The following C1orf159 variants were observed in gnomAD, a reference collection of about 807,000 sequenced individuals.
C1orf159 encodes uncharacterized protein C1orf159.
Under a neutral mutation model 25.6 loss-of-function variants are expected in C1orf159, and 19 were observed. The ratio of observed to expected loss-of-function variants is 0.74; its 90% CI spans 0.52 to 1.09. C1orf159 has a LOEUF of 1.09. Ranked by LOEUF, C1orf159 falls within the 50% of genes least tolerant of loss-of-function variation. The pLI is 0.00. For missense variants in C1orf159, 274 were observed against 290.6 expected (o/e 0.94, Z 0.42); for synonymous variants, 139 against 124.7 (o/e 1.12, Z -0.77).
At chr1:1,088,754 T>G (rs1471257115) in intron 4 of C1orf159, among the ~76,000 whole-genome samples, 2 of 152,106 alleles carry the variant, frequency 1.3e-5, no homozygotes, top group Admixed American at 6.5e-5. Flanking sequence ...CGACCCTTCC[T>G]CACAGACTGA....
At chr1:1,088,479 A>T (rs917719569) in intron 4 of C1orf159, among the ~76,000 whole-genome samples, 4 of 148,480 alleles carry the variant, frequency 2.7e-5, no homozygotes, top group Non-Finnish European at 6.0e-5. Flanking sequence ...CCCTTGGTCC[A>T]TCTGTCACCT....
rs1645762649 is a variant in C1orf159 at position 1,082,709 on chromosome 1, G to A, written c.*184C>T. The A allele has an allele frequency of 1.7e-6, 1 of 604,696 alleles. No individual in the cohort carries two copies. The highest frequency in any genetic ancestry group is 3.0e-6 in the Non-Finnish European group (1 of 336,456). 37.5% of individuals were successfully genotyped at this position (604,696 alleles called of 1,614,324 possible). A position where few individuals can be genotyped will look rare whatever the true frequency, so the allele number is the denominator to read the frequency against. On this transcript the variant is annotated 3_prime_UTR_variant, in exon 10 of 10. Transcript: ENST00000421241. ...ATAAACGAGATGGCTGTGGTGGGGA[G>A]GAGCCTCAGGCGGCCCGGGACCCTT...
At chr1:1,111,119 C>T (rs1646251511) in intron 1 of C1orf159, among the ~76,000 whole-genome samples, 1 of 152,174 alleles carries the variant, frequency 6.6e-6, no homozygotes, top group Admixed American at 6.5e-5. Flanking sequence ...TTGAAAATCT[C>T]ATTGGAGCCA....
chr1:1,083,370 G>A (rs1237906652), intron 9 of C1orf159: 2 of 223,572 alleles, frequency 8.9e-6, no homozygotes, highest in Non-Finnish European at 1.8e-5. Flanking sequence ...TTTGCAGGGG[G>A]TTACGTCAGG....
rs1332555590 is a variant in C1orf159, at chr1:1,082,210, GC to G, written c.*682del. 1.3e-5 allele frequency: 2 copies of G among 153,198 alleles called. No homozygotes were observed. Among genetic ancestry groups the G allele is most frequent in the African/African-American group, 4.8e-5 (2 of 41,480 alleles). The allele number at this position is 153,198 out of a possible 1,614,324, so 9.5% of individuals were successfully genotyped here. On this transcript the variant is annotated 3_prime_UTR_variant, in exon 10 of 10. Transcript: ENST00000421241. ...AGGCATGGGGGTCCAGCGGATCCGA[GC>G]GGGGCCACAGAGCTCTGGAGGACTT...
chr1:1,111,749 C>G lies in C1orf159; in HGVS notation c.-136+4311G>C, dbSNP rs183484241. ...GTCCACTGGCGGGTTTCTCACGCTG[C>G]TGAACCTCGGTAAACACAGCCCCGA... On this transcript the variant is annotated intron_variant, in intron 1 of 9. Coordinates refer to ENST00000421241, the MANE Select transcript of C1orf159 (RefSeq NM_017891.5). Among the ~76,000 whole-genome samples the G allele has an allele frequency of 7.2e-3, 1,103 of 152,286 alleles. 32 individuals carry two copies. The highest frequency in any genetic ancestry group is 0.061 in the Admixed American group (926 of 15,288).
intron 1 of C1orf159, among the ~76,000 whole-genome samples, chr1:1,112,345 C>T (rs1044480339): frequency 1.3e-5 from 2 of 152,208 alleles, no homozygotes. Context: ...AACGGAAGAA[C>T]GCCTCAGGTG....
chr1:1,112,765 C>G (rs1270107536), intron 1 of C1orf159, among the ~76,000 whole-genome samples: 1 of 152,268 alleles, frequency 6.6e-6, no homozygotes, highest in Non-Finnish European at 1.5e-5. Flanking sequence ...AGAAGCCTGC[C>G]AGGCTATAAA....
intron 3 of C1orf159, chr1:1,091,094 C>T (rs1645924046): frequency 2.3e-5 from 21 of 896,696 alleles, no homozygotes; most frequent in Non-Finnish European, 3.6e-5. Flanking sequence ...CCAGCCAGGA[C>T]AGTGAGGGGT....
chr1:1,096,803 C>T (rs985993029), intron 1 of C1orf159, among the ~76,000 whole-genome samples: 18 of 152,124 alleles, frequency 1.2e-4, no homozygotes, highest in Admixed American at 7.9e-4. Flanking sequence ...CAGCTCACCA[C>T]AGCCTCAGTC....
At chr1:1,099,120 A>C (rs1312600313) in intron 1 of C1orf159, among the ~76,000 whole-genome samples, 1 of 151,918 alleles carries the variant, frequency 6.6e-6, no homozygotes, top group Non-Finnish European at 1.5e-5. Flanking sequence ...ATCTCTGACG[A>C]TGATTGTGGA....
chr1:1,085,503 A>AG (rs1645814305), intron 7 of C1orf159, among the ~76,000 whole-genome samples: 1 of 142,180 alleles, frequency 7.0e-6, no homozygotes, highest in Non-Finnish European at 1.5e-5. Flanking sequence ...AGGAGAGGGG[A>AG]GGGGGGACCA....
At chr1:1,108,447 CG>C (rs1191947721) in intron 1 of C1orf159, among the ~76,000 whole-genome samples, 1 of 127,672 alleles carries the variant, frequency 7.8e-6, no homozygotes, top group African/African-American at 3.4e-5. Context: ...CACCATGTCT[CG>C]ACACCGTTCA....
In C1orf159 at chr1:1,112,107, G is replaced by A. The variant is rs143033659; in HGVS notation, c.-136+3953C>T. ...CCCATCCCCCCACCGGGAATGTCAG[G>A]CCACCATCAGGTGATGGTCAGGTGG... is the stretch of plus-strand genomic sequence containing the variant. On this transcript the variant is annotated intron_variant, in intron 1 of 9. Coordinates refer to ENST00000421241, the MANE Select transcript of C1orf159 (RefSeq NM_017891.5). Among the ~76,000 whole-genome samples the A allele has an allele frequency of 3.4e-3, 511 of 152,300 alleles. 3 individuals are homozygous for A. The highest frequency in any genetic ancestry group is 0.01 in the Middle Eastern group (3 of 294).
chr1:1,115,385 T>A (rs2100784836), intron 1 of C1orf159, among the ~76,000 whole-genome samples: 1 of 152,240 alleles, frequency 6.6e-6, no homozygotes, highest in Admixed American at 6.5e-5. Context: ...CGTGGCCGAC[T>A]TCTAGGACAC....
At chr1:1,109,493 G>A (rs1019038991) in intron 1 of C1orf159, among the ~76,000 whole-genome samples, 2 of 151,696 alleles carry the variant, frequency 1.3e-5, no homozygotes, top group African/African-American at 4.9e-5. Flanking sequence ...TTTAGAGATG[G>A]GTTTGCTCTG....
Position 1,110,157 on chromosome 1 carries a change from T to C in C1orf159, c.-136+5903A>G, listed in dbSNP as rs1646237861. On this transcript the variant is annotated intron_variant, in intron 1 of 9. Transcript: ENST00000421241. The surrounding 1 kb of genome is among the most constrained non-coding windows in gnomAD (Gnocchi z 4.8). ...CTTATTGCCGCAGAGTCTGTCAGTC[T>C]CGTGATCTCCACTTTAACACTAATG... Among the ~76,000 whole-genome samples the C allele has an allele frequency of 6.6e-6, 1 of 152,190 alleles. No individual in the cohort carries two copies. The highest frequency in any genetic ancestry group is 2.1e-4 in the South Asian group (1 of 4,830).
chr1:1,098,147 C>A (rs1646035025), intron 1 of C1orf159, among the ~76,000 whole-genome samples: 1 of 152,014 alleles, frequency 6.6e-6, no homozygotes, highest in Non-Finnish European at 1.5e-5. Flanking sequence ...TGGCTCACTG[C>A]CAGCTCCACC....
intron 1 of C1orf159, among the ~76,000 whole-genome samples, chr1:1,114,624 G>A (rs1646308833): frequency 6.6e-6 from 1 of 152,188 alleles, no homozygotes; most frequent in African/African-American, 2.4e-5. Flanking sequence ...TGTGTGTCAG[G>A]AAAACAACGT....
Sources: allele counts gnomAD v4.1 joint callset (sites outside exome capture counted in the v4.1 genomes callset), GRCh38; gene constraint gnomAD v4.1.1; non-coding constraint Gnocchi (gnomAD v3.1); transcripts MANE v1.5; gene names NCBI Gene and HGNC (gene_info 2026-07-23, HGNC 2026-07-21).